The following NFIA variants were observed in gnomAD, a reference collection of about 807,000 sequenced individuals.
NFIA encodes nuclear factor I A.
A neutral mutation model predicts 62.8 loss-of-function variants in NFIA; 8 were observed. The observed-to-expected ratio is 0.13, with a 90% CI of 0.07 to 0.23. The LOEUF (loss-of-function observed/expected upper bound fraction) is 0.23, where lower values mean the gene tolerates loss of function less well. Among genes scored for constraint, NFIA ranks in the 10% least tolerant of loss-of-function variants. The pLI, the probability that NFIA is intolerant of heterozygous loss-of-function variation, is 1.00. For synonymous variants in NFIA, 235 were observed against 238.1 expected, an observed-to-expected ratio of 0.99 and a Z score of 0.12; for missense variants, 410 against 642.1, an observed-to-expected ratio of 0.64 and a Z score of 3.91.
intron 10 of NFIA, chr1:61,439,580 T>G (rs559507836): frequency 6.6e-6 from 1 of 152,308 alleles, no homozygotes; most frequent in Admixed American, 6.5e-5. Context: ...TTTCCCTGAT[T>G]GACAACACGG....
chr1:61,344,581 A>G (rs1325003953), intron 4 of NFIA, among the ~76,000 whole-genome samples: 1 of 152,232 alleles, frequency 6.6e-6, no homozygotes, highest in African/African-American at 2.4e-5. Flanking sequence ...AGTCTCTGAA[A>G]TGTAAGCCCC....
chr1:61,145,870 A>T (rs1408000339), intron 2 of NFIA, among the ~76,000 whole-genome samples: 4 of 152,184 alleles, frequency 2.6e-5, no homozygotes, highest in Non-Finnish European at 4.4e-5. Context: ...TGTGGGGTCA[A>T]GTCACTGCCG....
intron 2 of NFIA, among the ~76,000 whole-genome samples, chr1:61,146,842 TA>T (rs1200385862): frequency 7.0e-6 from 1 of 143,602 alleles, no homozygotes; most frequent in Non-Finnish European, 1.5e-5. Flanking sequence ...GTTTTTTTTT[TA>T]AATAGTTTTA....
chr1:61,108,023 A>G (rs986969026), intron 2 of NFIA, among the ~76,000 whole-genome samples: 7 of 151,666 alleles, frequency 4.6e-5, no homozygotes, highest in Non-Finnish European at 1.0e-4. Flanking sequence ...TCTGCCCTAT[A>G]CCATCACCAC....
intron 2 of NFIA, among the ~76,000 whole-genome samples, chr1:61,183,640 C>T (rs1279661238): frequency 1.3e-5 from 2 of 152,160 alleles, no homozygotes; most frequent in East Asian, 1.9e-4. Context: ...AACACTTTCC[C>T]TTGGATGTTG....
chr1:61,414,997 A>C (rs1346101609), intron 9 of NFIA, among the ~76,000 whole-genome samples: 2 of 152,112 alleles, frequency 1.3e-5, no homozygotes, highest in Non-Finnish European at 1.5e-5. Context: ...GTGCCAGGGA[A>C]CTTATTTTAC....
intron 3 of NFIA, among the ~76,000 whole-genome samples, chr1:61,293,345 A>G (rs1398007069): frequency 1.3e-5 from 2 of 152,228 alleles, no homozygotes; most frequent in African/African-American, 4.8e-5. Context: ...TTCTGTGTGT[A>G]TGAGAGGGAA....
chr1:61,213,934 A>T (rs962371947), intron 2 of NFIA, among the ~76,000 whole-genome samples: 1 of 152,076 alleles, frequency 6.6e-6, no homozygotes, highest in African/African-American at 2.4e-5. Context: ...TGTACTTTTC[A>T]TGAGTAGCAG....
At chr1:61,112,148 A>G (rs1162519801) in intron 2 of NFIA, among the ~76,000 whole-genome samples, 1 of 151,128 alleles carries the variant, frequency 6.6e-6, no homozygotes. Context: ...AAAAAAAACT[A>G]TGCTCTAAAA....
At chr1:61,365,042 C>T (rs905691099) in intron 6 of NFIA, among the ~76,000 whole-genome samples, 1 of 152,134 alleles carries the variant, frequency 6.6e-6, no homozygotes, top group African/African-American at 2.4e-5. Flanking sequence ...TTTTAATTAG[C>T]CATGCATAAT....
chr1:61,316,676 C>T (rs1049528012), intron 3 of NFIA, among the ~76,000 whole-genome samples: 1 of 152,276 alleles, frequency 6.6e-6, no homozygotes, highest in South Asian at 2.1e-4. Flanking sequence ...CTGAGATGTC[C>T]TCAACACGTT....
At chr1:61,112,136 T>TAA (rs1221302940) in intron 2 of NFIA, among the ~76,000 whole-genome samples, 6,707 of 151,294 alleles carry the variant, frequency 0.044, 451 homozygotes, top group East Asian at 0.35. Flanking sequence ...TTTTTTTTTT[T>TAA]AAAAAAAAAC....
chr1:61,094,116 G>A (rs1646371138), intron 2 of NFIA, among the ~76,000 whole-genome samples: 1 of 152,216 alleles, frequency 6.6e-6, no homozygotes. Flanking sequence ...ATTGAGTTCA[G>A]TGAATGTGCT....
intron 7 of NFIA, among the ~76,000 whole-genome samples, chr1:61,390,092 A>C (rs1173843547): frequency 6.6e-6 from 1 of 152,216 alleles, no homozygotes; most frequent in Non-Finnish European, 1.5e-5. Context: ...CTAGAAGCAC[A>C]GGGTGCGGTA....
At chr1:61,382,446 G>T (rs1281733467) in intron 6 of NFIA, among the ~76,000 whole-genome samples, 1 of 152,046 alleles carries the variant, frequency 6.6e-6, no homozygotes, top group Non-Finnish European at 1.5e-5. Flanking sequence ...GCAAAACAAA[G>T]GCAATGAAAA....
chr1:61,204,116 C>T lies in NFIA; in HGVS notation c.560-73404C>T, dbSNP rs1312983444. ...GCAGTTTATGAAATGGTGAACTGGACGGGGGCCTTTCTGCATCCACATTGC... is the reference window on the plus strand; with the variant it reads ...GCAGTTTATGAAATGGTGAACTGGATGGGGGCCTTTCTGCATCCACATTGC... On this transcript the variant is annotated intron_variant, in intron 2 of 10. Coordinates refer to ENST00000403491, the MANE Select transcript of NFIA (RefSeq NM_001134673.4). Among the ~76,000 whole-genome samples the T allele has an allele frequency of 3.3e-5, 5 of 152,308 alleles. No homozygotes were observed. The East Asian group carries it at 5.8e-4, about 18-fold the overall frequency.
chr1:61,220,278 T>A (rs1369102162), intron 2 of NFIA, among the ~76,000 whole-genome samples: 1 of 152,212 alleles, frequency 6.6e-6, no homozygotes, highest in Non-Finnish European at 1.5e-5. Flanking sequence ...CCTGTTCATA[T>A]TGCCTCCCTA....
chr1:61,319,669 G>A lies in NFIA; in HGVS notation c.626-12843G>A, dbSNP rs147450448. Reference sequence around the variant, plus strand: ...AGATATTTTGTCTACAAAAAGGAGCGAAGGTTTTATTCGAAGAAAGAGGAG... The same window carrying A: ...AGATATTTTGTCTACAAAAAGGAGCAAAGGTTTTATTCGAAGAAAGAGGAG... On this transcript the variant is annotated intron_variant, in intron 3 of 10. Transcript: ENST00000403491. Among the ~76,000 whole-genome samples, 468 of 152,134 alleles carry A rather than the reference G, an allele frequency of 3.1e-3. 2 individuals carry two copies. Among genetic ancestry groups the A allele is most frequent in the African/African-American group, 0.011 (452 of 41,496 alleles).
At position 61,363,544 on chromosome 1, in the gene NFIA, C is replaced by T. The variant is rs112597126; in HGVS notation, c.946+4270C>T. Among the ~76,000 whole-genome samples, 878 of 150,622 alleles carry T rather than the reference C, an allele frequency of 5.8e-3. 9 individuals are homozygous for T. Among genetic ancestry groups the T allele is most frequent in the African/African-American group, 0.021 (851 of 41,012 alleles). ...GGTTGAACCTGGGAGGTGGAGGTTG[C>T]AGTGAACCGAGATCGTGCCATTGCA... On this transcript the variant is annotated intron_variant, in intron 6 of 10. Coordinates refer to ENST00000403491, the MANE Select transcript of NFIA (RefSeq NM_001134673.4).
Sources: gnomAD v4.1 joint callset for allele counts (sites outside exome capture counted in the v4.1 genomes callset) on GRCh38, gnomAD v4.1.1 for gene constraint, MANE v1.5 for transcripts, NCBI Gene and HGNC (gene_info 2026-07-23, HGNC 2026-07-21) for gene names.